Variants in RYR2 observed in about 807,000 individuals in gnomAD.
The protein encoded by RYR2 is cardiac muscle ryanodine receptor-calcium release channel.
Under a neutral mutation model 601.1 loss-of-function variants are expected in RYR2, and 227 were observed. That is an observed-to-expected ratio of 0.38 (90% confidence interval 0.34 to 0.42). The LOEUF (loss-of-function observed/expected upper bound fraction) is 0.42, where lower values mean the gene tolerates loss of function less well. RYR2 is among the 10% of genes least tolerant of loss of function. The probability of loss-of-function intolerance (pLI) is 1.00; values close to 1 mark genes in which losing one functional copy is unlikely to be tolerated. For missense variants in RYR2, 4,646 were observed against 6,156.5 expected (o/e 0.75, Z 8.21); for synonymous variants, 2,223 against 2,175.1 (o/e 1.02, Z -0.61).
intron 38 of RYR2, among the ~76,000 whole-genome samples, chr1:237,617,822 G>T: frequency 6.6e-6 from 1 of 152,264 alleles, no homozygotes; most frequent in East Asian, 1.9e-4. Flanking sequence ...CCTAGGACTC[G>T]ATGCTAGAGG....
chr1:237,128,057 G>A (rs866884148), intron 1 of RYR2, among the ~76,000 whole-genome samples: 8 of 152,288 alleles, frequency 5.3e-5, no homozygotes, highest in African/African-American at 1.4e-4. Flanking sequence ...AGGTTGTAGC[G>A]AGCCGAGATC....
intron 1 of RYR2, among the ~76,000 whole-genome samples, chr1:237,176,379 G>A (rs1481782146): frequency 3.3e-5 from 5 of 149,846 alleles, no homozygotes; most frequent in African/African-American, 9.8e-5. Context: ...AGATAATTTT[G>A]TCTAATTACA....
intron 88 of RYR2, 85 bp from the exon 89 acceptor site, chr1:237,781,480 C>A: frequency 5.8e-6 from 4 of 692,730 alleles, no homozygotes; most frequent in South Asian, 1.8e-5. Flanking sequence ...ATTGCCAGAG[C>A]AGCATCCTTT....
intron 14 of RYR2, among the ~76,000 whole-genome samples, chr1:237,447,606 A>C (rs971700634): frequency 5.3e-5 from 8 of 151,832 alleles, no homozygotes; most frequent in Non-Finnish European, 1.0e-4. Flanking sequence ...CATTTTTTCT[A>C]TTTTCTTTCT....
At chr1:237,787,912 T>A in intron 91 of RYR2, 76 bp from the exon 92 acceptor site, 1 of 1,365,190 alleles carries the variant, frequency 7.3e-7, no homozygotes, top group Non-Finnish European at 1.0e-6. Context: ...ATTTGTTCAC[T>A]TGGGTAATTT....
intron 2 of RYR2, among the ~76,000 whole-genome samples, chr1:237,272,669 A>G (rs1426862824): frequency 6.6e-6 from 1 of 150,724 alleles, no homozygotes; most frequent in African/African-American, 2.4e-5. Flanking sequence ...GAAGCAGAAT[A>G]ATATCTAAAG....
chr1:237,807,284 A>G (rs1660734799), intron 99 of RYR2, among the ~76,000 whole-genome samples: 1 of 152,212 alleles, frequency 6.6e-6, no homozygotes. Flanking sequence ...GTGTTTCTAC[A>G]TAAAAGGTCC....
chr1:237,683,877 GC>G (rs1372704637), intron 62 of RYR2, among the ~76,000 whole-genome samples: 2 of 152,010 alleles, frequency 1.3e-5, no homozygotes, highest in Admixed American at 1.3e-4. Context: ...TGGAAGTGCT[GC>G]CTCAAATAGG....
chr1:237,656,107 TA>T, intron 53 of RYR2, 123 bp downstream of exon 53: 1 of 721,902 alleles, frequency 1.4e-6, no homozygotes, highest in Non-Finnish European at 2.2e-6. Flanking sequence ...ATCCTTTTAA[TA>T]GGGGTCCCTT....
At chr1:237,501,811 T>C (rs1467152513) in intron 21 of RYR2, among the ~76,000 whole-genome samples, 1 of 152,210 alleles carries the variant, frequency 6.6e-6, no homozygotes, top group Non-Finnish European at 1.5e-5. Flanking sequence ...TTTGCTTTTC[T>C]TTATTTTTTT....
intron 69 of RYR2, 35 bp from the exon 70 acceptor site, chr1:237,709,445 A>G: frequency 7.6e-7 from 1 of 1,314,510 alleles, no homozygotes; most frequent in Non-Finnish European, 1.1e-6. Flanking sequence ...TTTAAGGAGT[A>G]GCTGAGAAAC....
intron 1 of RYR2, among the ~76,000 whole-genome samples, chr1:237,213,915 C>CTTTTTTTTTTTTTTT (rs71180008): frequency 6.1e-4 from 40 of 65,488 alleles, no homozygotes; most frequent in Non-Finnish European, 8.5e-4. Flanking sequence ...TTTTCTTTTT[C>CTTTTTTTTTTTTTTT]TTTTTTTTTT....
chr1:237,152,312 CAT>C (rs1674805511), intron 1 of RYR2, among the ~76,000 whole-genome samples: 1 of 152,310 alleles, frequency 6.6e-6, no homozygotes, highest in African/African-American at 2.4e-5. Flanking sequence ...GTGCAATAAA[CAT>C]ATGTGTGCAT....
At chr1:237,743,220 G>A (rs536793041) in intron 80 of RYR2, among the ~76,000 whole-genome samples, 4 of 152,174 alleles carry the variant, frequency 2.6e-5, no homozygotes, top group African/African-American at 7.2e-5. Context: ...AATTAAAGTG[G>A]ACCCACAAAA....
chr1:237,680,495 C>G lies in RYR2; in HGVS notation c.8935C>G (p.Arg2979Gly). The G allele has an allele frequency of 6.2e-7, 1 of 1,604,796 alleles. No homozygotes were observed. Reference sequence around the variant, plus strand: ...AATTGATCAGTATTTCAAAAACCATCGTTTATACTTCTTATCTGCAGCAAG... The same window carrying G: ...AATTGATCAGTATTTCAAAAACCATGGTTTATACTTCTTATCTGCAGCAAG... ...PLIDQYFKNH[R>G]LYFLSAASRP... Residue 2979 changes from arginine (R) to glycine (G), a missense_variant, in exon 62 of 105, where the codon CGT (arginine) becomes GGT (glycine). By Grantham distance (125) the Arg-to-Gly change is moderately radical. This residue lies in a region of RYR2 where 1,497 missense variants were observed against 1,842.6 expected (regional missense o/e 0.81). Coordinates refer to ENST00000366574, the MANE Select transcript of RYR2 (RefSeq NM_001035.3).
chr1:237,109,761 G>A (rs1454356573), intron 1 of RYR2, among the ~76,000 whole-genome samples: 1 of 152,066 alleles, frequency 6.6e-6, no homozygotes, highest in Non-Finnish European at 1.5e-5. Flanking sequence ...GGGATAGGTA[G>A]GGGAAACGGA....
intron 1 of RYR2, among the ~76,000 whole-genome samples, chr1:237,268,027 G>A (rs554403549): frequency 6.6e-5 from 10 of 152,224 alleles, no homozygotes; most frequent in African/African-American, 2.2e-4. Flanking sequence ...TGGTAAAGAC[G>A]GTGTGCCTTC....
chr1:237,399,446 G>A lies in RYR2; in HGVS notation c.773+11263G>A, dbSNP rs369676377. On this transcript the variant is annotated intron_variant, in intron 10 of 104. Coordinates refer to ENST00000366574, the MANE Select transcript of RYR2 (RefSeq NM_001035.3). ...GGGCAACTTGAAGGAACTTTGTGGC[G>A]TAGGATCTTGCCTGTGATGGTGAAC... Among the ~76,000 whole-genome samples, 35 of 152,232 alleles carry A rather than the reference G, an allele frequency of 2.3e-4. 1 individual carries two copies. The highest frequency in any genetic ancestry group is 5.8e-4 in the East Asian group (3 of 5,158).
rs115931783 is a variant in RYR2 at position 237,793,272 on chromosome 1, A to T, written c.13783-595A>T. On this transcript the variant is annotated intron_variant, in intron 94 of 104. Coordinates refer to ENST00000366574, the MANE Select transcript of RYR2 (RefSeq NM_001035.3). ...TATTCTTGGCTATTTCCAGAATATCAGTGTCTATCTGCTATCTGTGCCTTG... is the reference window on the plus strand; with the variant it reads ...TATTCTTGGCTATTTCCAGAATATCTGTGTCTATCTGCTATCTGTGCCTTG... Among the ~76,000 whole-genome samples, 724 of 152,300 alleles carry T rather than the reference A, an allele frequency of 4.8e-3. 6 individuals are homozygous for T. The highest frequency in any genetic ancestry group is 0.016 in the African/African-American group (670 of 41,562).
Sources: gnomAD v4.1 joint callset for allele counts (sites outside exome capture counted in the v4.1 genomes callset) on GRCh38, gnomAD v4.1.1 for gene constraint, gnomAD v4.1.1 regional missense constraint, MANE v1.5 for transcripts, NCBI Gene and HGNC (gene_info 2026-07-23, HGNC 2026-07-21) for gene names.